The following OVOL2 variants were observed in gnomAD, a reference collection of about 807,000 sequenced individuals.
OVOL2 encodes the protein transcription factor Ovo-like 2.
In OVOL2, 13 loss-of-function variants were observed where a neutral mutation model predicts 18.1. That is an observed-to-expected ratio of 0.72 (90% confidence interval 0.47 to 1.14). OVOL2 has a LOEUF of 1.14. Ranked by LOEUF, OVOL2 falls within the 50% of genes most tolerant of loss-of-function variation. The pLI is 0.00. For synonymous variants in OVOL2, 166 were observed against 162.7 expected, an observed-to-expected ratio of 1.02 and a Z score of -0.16; for missense variants, 335 against 383.0, an observed-to-expected ratio of 0.87 and a Z score of 1.05.
intron 3 of OVOL2, among the ~76,000 whole-genome samples, chr20:18,027,616 G>T (rs1037271092): frequency 2.6e-5 from 4 of 151,486 alleles, no homozygotes; most frequent in Non-Finnish European, 4.4e-5. Flanking sequence ...TTGTTTTTGA[G>T]ACTGAGACTC....
chr20:18,043,497 C>T lies in OVOL2; in HGVS notation c.322-1774G>A, dbSNP rs1032047567. 7.2e-5 allele frequency among the ~76,000 whole-genome samples: 11 copies of T among 152,140 alleles called. No individual in the cohort carries two copies. The East Asian group carries it at 9.6e-4, about 13-fold the overall frequency. ...CAGCCAAAGGCCACATGGGGGAGCA[C>T]GGAGGAGCCAGATATGAATAAAGCC... On this transcript the variant is annotated intron_variant, in intron 2 of 3. Coordinates refer to ENST00000278780, the MANE Select transcript of OVOL2 (RefSeq NM_021220.4).
At chr20:18,053,453 C>T (rs1042721833) in intron 2 of OVOL2, among the ~76,000 whole-genome samples, 3 of 152,184 alleles carry the variant, frequency 2.0e-5, no homozygotes, top group African/African-American at 7.2e-5. Context: ...GTAATCCCAG[C>T]ACTTTGGGAG....
intron 3 of OVOL2, among the ~76,000 whole-genome samples, chr20:18,031,237 G>T (rs1447497474): frequency 1.3e-5 from 2 of 152,166 alleles, no homozygotes; most frequent in African/African-American, 2.4e-5. Context: ...CAGCCCGAAA[G>T]GCCGTTTCCT....
chr20:18,037,474 T>A (rs1482069339), intron 3 of OVOL2, among the ~76,000 whole-genome samples: 1 of 152,234 alleles, frequency 6.6e-6, no homozygotes, highest in African/African-American at 2.4e-5. Context: ...CAGGGCTGTG[T>A]TACTCTCTGA....
chr20:18,034,366 T>TC (rs749960371), intron 3 of OVOL2, among the ~76,000 whole-genome samples: 1 of 152,056 alleles, frequency 6.6e-6, no homozygotes, highest in African/African-American at 2.4e-5. Flanking sequence ...ACACTCCTGA[T>TC]CCCCCCTGGG....
intron 3 of OVOL2, among the ~76,000 whole-genome samples, chr20:18,030,390 A>G (rs970717579): frequency 2.6e-5 from 4 of 152,178 alleles, no homozygotes; most frequent in Admixed American, 2.6e-4. Flanking sequence ...CCAAACTAAA[A>G]ATATGGGGAA....
Position 18,042,154 on chromosome 20 carries a change from C to A in OVOL2, c.322-431G>T, listed in dbSNP as rs112259663. On this transcript the variant is annotated intron_variant, in intron 2 of 3. Coordinates refer to ENST00000278780, the MANE Select transcript of OVOL2 (RefSeq NM_021220.4). ...TCTCAAACTCCTGACCTCAAGTGATCCATCCGCCTCAGCCTCCCAAAGTGC... is the reference window on the plus strand; with the variant it reads ...TCTCAAACTCCTGACCTCAAGTGATACATCCGCCTCAGCCTCCCAAAGTGC... 4.2e-3 allele frequency among the ~76,000 whole-genome samples: 634 copies of A among 152,130 alleles called. 8 individuals are homozygous for A. The highest frequency in any genetic ancestry group is 0.014 in the African/African-American group (588 of 41,524).
intron 3 of OVOL2, among the ~76,000 whole-genome samples, chr20:18,036,316 T>C (rs1807485786): frequency 6.6e-6 from 1 of 152,000 alleles, no homozygotes; most frequent in African/African-American, 2.4e-5. Context: ...AACAAAAAAA[T>C]TGAGATTTTT....
chr20:18,044,457 G>A (rs550744915), intron 2 of OVOL2, among the ~76,000 whole-genome samples: 2 of 152,302 alleles, frequency 1.3e-5, no homozygotes, highest in Admixed American at 1.3e-4. Context: ...GCAGGTGGCA[G>A]GATGCAGAGA....
At chr20:18,028,211 C>G (rs1445683913) in intron 3 of OVOL2, among the ~76,000 whole-genome samples, 1 of 151,978 alleles carries the variant, frequency 6.6e-6, no homozygotes, top group Admixed American at 6.6e-5. Context: ...GAGTCTTGCT[C>G]TATCACTCAG....
At chr20:18,034,769 G>T (rs1024195771) in intron 3 of OVOL2, among the ~76,000 whole-genome samples, 5 of 152,018 alleles carry the variant, frequency 3.3e-5, no homozygotes, top group Middle Eastern at 3.4e-3. Context: ...ACATCTTCAG[G>T]TTCTAGTTTC....
upstream of OVOL2, chr20:18,058,007 C>T (rs1249398558): frequency 2.5e-6 from 1 of 394,072 alleles, no homozygotes; most frequent in Non-Finnish European, 3.8e-6. Flanking sequence ...CTGTTCCAGC[C>T]CTTCCTTAGG....
intron 2 of OVOL2, among the ~76,000 whole-genome samples, chr20:18,047,266 A>T (rs2036731048): frequency 6.6e-6 from 1 of 152,168 alleles, no homozygotes; most frequent in African/African-American, 2.4e-5. Flanking sequence ...TAATCCCAGC[A>T]CTTCAGGAGG....
chr20:18,045,422 T>C (rs2036716314), intron 2 of OVOL2, among the ~76,000 whole-genome samples: 1 of 152,248 alleles, frequency 6.6e-6, no homozygotes, highest in African/African-American at 2.4e-5. Context: ...TGAATTCTTG[T>C]TTAATCTTTT....
chr20:18,026,345 A>T (rs2091432236), intron 3 of OVOL2, among the ~76,000 whole-genome samples: 1 of 151,632 alleles, frequency 6.6e-6, no homozygotes, highest in African/African-American at 2.4e-5. Context: ...TTCTCCTAAG[A>T]CCAACTCAGT....
chr20:18,034,804 T>C (rs2122699298), intron 3 of OVOL2, among the ~76,000 whole-genome samples: 1 of 152,326 alleles, frequency 6.6e-6, no homozygotes, highest in Middle Eastern at 3.4e-3. Flanking sequence ...AAGATATTTC[T>C]TTGTGTTTTG....
chr20:18,040,379 A>T (rs1200929376), intron 3 of OVOL2, among the ~76,000 whole-genome samples: 1 of 152,012 alleles, frequency 6.6e-6, no homozygotes, highest in Non-Finnish European at 1.5e-5. Context: ...ATGGGATAGG[A>T]CGTGATGGGC....
intron 2 of OVOL2, among the ~76,000 whole-genome samples, chr20:18,051,151 G>A (rs1387585575): frequency 6.6e-6 from 1 of 152,068 alleles, no homozygotes; most frequent in East Asian, 1.9e-4. Flanking sequence ...TGAGATAGGA[G>A]GATCGTTTCA....
intron 3 of OVOL2, among the ~76,000 whole-genome samples, chr20:18,040,945 C>A (rs2183077): frequency 1.3e-5 from 2 of 152,008 alleles, no homozygotes; most frequent in African/African-American, 4.8e-5. Context: ...GTGGCAGGCC[C>A]CGCGTGTGTG....
Sources: gnomAD v4.1 joint callset for allele counts (sites outside exome capture counted in the v4.1 genomes callset) on GRCh38, gnomAD v4.1.1 for gene constraint, MANE v1.5 for transcripts, NCBI Gene and HGNC (gene_info 2026-07-23, HGNC 2026-07-21) for gene names.